Variants in TECPR2 observed in about 807,000 individuals in gnomAD.
TECPR2 encodes the protein tectonin beta-propeller repeat-containing protein 2.
A neutral mutation model predicts 138.1 loss-of-function variants in TECPR2; 65 were observed. That is an observed-to-expected ratio of 0.47 (90% CI 0.39 to 0.58). The LOEUF (loss-of-function observed/expected upper bound fraction) is 0.58, where lower values mean the gene tolerates loss of function less well. Ranked by LOEUF, TECPR2 falls within the 20% of genes least tolerant of loss-of-function variation. TECPR2 has a pLI of 0.00. For missense variants in TECPR2, 1,553 were observed against 1,824.5 expected (o/e 0.85, Z 2.71); for synonymous variants, 746 against 749.8 (o/e 0.99, Z 0.08).
At chr14:102,380,078 A>G (rs1396133562) in intron 2 of TECPR2, among the ~76,000 whole-genome samples, 2 of 148,660 alleles carry the variant, frequency 1.3e-5, no homozygotes, top group African/African-American at 5.0e-5. Flanking sequence ...AAATCCATGC[A>G]CAGAGGCACC....
At chr14:102,457,432 A>T (rs1890301722) in intron 16 of TECPR2, among the ~76,000 whole-genome samples, 1 of 152,122 alleles carries the variant, frequency 6.6e-6, no homozygotes, top group Admixed American at 6.5e-5. Context: ...TTTTGAATGC[A>T]GGTGTGCTGT....
At position 102,428,232 on chromosome 14, in the gene TECPR2, T is replaced by TG. The variant is rs1889380820; in HGVS notation, c.952-18_952-17insG. On this transcript the variant is annotated splice_polypyrimidine_tract_variant and intron_variant, in intron 6 of 19. Transcript: ENST00000359520. ...AGTTTTGTGTTTTTTGTTTTTTTTT[T>TG]TTTTTTTTTTTTGACAGGCCACAGT... The TG allele has an allele frequency of 1.5e-6, 2 of 1,362,990 alleles. No homozygotes were observed. Among genetic ancestry groups the TG allele is most frequent in the Non-Finnish European group, 9.5e-7 (1 of 1,055,182 alleles). The allele number at this position is 1,362,990 out of a possible 1,614,324, so 84.4% of individuals were successfully genotyped here.
Position 102,445,582 on chromosome 14 carries a change from T to C in TECPR2, c.2934-224T>C, listed in dbSNP as rs1889952607. Among the ~76,000 whole-genome samples the C allele has an allele frequency of 2.0e-5, 3 of 152,102 alleles. No individual in the cohort carries two copies. In the South Asian group the frequency reaches 6.2e-4, roughly 32 times the overall value. ...TAAGAGTGTTCCCAGCCATTCTGGG[T>C]CATCAGTGTGTCTTTCAAAAGCTGC... On this transcript the variant is annotated intron_variant, in intron 12 of 19. Transcript: ENST00000359520.
chr14:102,499,308 C>T lies in TECPR2; in HGVS notation c.*1051C>T. 1.6e-6 allele frequency: 1 copy of T among 615,072 alleles called. No individual in the cohort carries two copies. Among genetic ancestry groups the T allele is most frequent in the Non-Finnish European group, 2.9e-6 (1 of 339,460 alleles). 38.1% of individuals were successfully genotyped at this position (615,072 alleles called of 1,614,324 possible). The stretch of plus-strand genomic sequence containing the variant: ...GATGCATCCTCAGAGGACGAGTCTA[C>T]TAATTATTGCCTTTGTTGTTGTATT... On this transcript the variant is annotated 3_prime_UTR_variant, in exon 20 of 20. Coordinates refer to ENST00000359520, the MANE Select transcript of TECPR2 (RefSeq NM_014844.5).
chr14:102,472,586 G>T (rs1353360271), intron 17 of TECPR2, among the ~76,000 whole-genome samples: 1 of 152,192 alleles, frequency 6.6e-6, no homozygotes, highest in African/African-American at 2.4e-5. Flanking sequence ...CATTCAGTTT[G>T]CCATGGATTC....
At chr14:102,405,523 CAA>C (rs1377972363) in intron 2 of TECPR2, among the ~76,000 whole-genome samples, 1 of 152,018 alleles carries the variant, frequency 6.6e-6, no homozygotes, top group Non-Finnish European at 1.5e-5. Flanking sequence ...AAGGAAATAA[CAA>C]GGGTTGGTAA....
Position 102,498,279 on chromosome 14 carries a change from C to G in TECPR2, c.*22C>G. On this transcript the variant is annotated 3_prime_UTR_variant, in exon 20 of 20. Transcript: ENST00000359520. ...CTGAAGGAGCCCTGGCCGAGTCACG[C>G]GGAGGGGCCCGGCGTCTGTGGCGGG... 2 of 1,590,248 alleles carry G rather than the reference C, an allele frequency of 1.3e-6. No individual in the cohort carries two copies. Among genetic ancestry groups the G allele is most frequent in the Non-Finnish European group, 1.7e-6 (2 of 1,176,154 alleles).
intron 9 of TECPR2, 67 bp from the exon 10 acceptor site, chr14:102,437,955 C>T: frequency 1.3e-6 from 2 of 1,549,838 alleles, no homozygotes. Flanking sequence ...ACCTTTCTTA[C>T]TGAGAACAGT....
intron 1 of TECPR2, among the ~76,000 whole-genome samples, chr14:102,374,318 T>G (rs1887589349): frequency 6.6e-6 from 1 of 152,178 alleles, no homozygotes. Flanking sequence ...AAGCACAGCC[T>G]TTGTTCTTCT....
At chr14:102,424,903 T>C in intron 5 of TECPR2, 76 bp from the exon 6 acceptor site, 2 of 1,392,262 alleles carry the variant, frequency 1.4e-6, no homozygotes, top group Non-Finnish European at 2.0e-6. Flanking sequence ...TACTTAATAT[T>C]AAGGGTTGAC....
intron 4 of TECPR2, among the ~76,000 whole-genome samples, chr14:102,411,250 TTTTG>T (rs1298808817): frequency 3.3e-5 from 5 of 152,240 alleles, no homozygotes; most frequent in Non-Finnish European, 7.3e-5. Context: ...TTCAACACCA[TTTTG>T]TTTTATTTTT....
At chr14:102,495,274 G>C (rs116268942) in intron 17 of TECPR2, among the ~76,000 whole-genome samples, 3,505 of 152,250 alleles carry the variant, frequency 0.023, 66 homozygotes, top group African/African-American at 0.036. Flanking sequence ...AGGAGGGAGG[G>C]GGTGGCCCTG....
intron 1 of TECPR2, among the ~76,000 whole-genome samples, chr14:102,368,791 G>A (rs1444390989): frequency 6.6e-6 from 1 of 152,112 alleles, no homozygotes; most frequent in African/African-American, 2.4e-5. Flanking sequence ...GTAGGCGAGG[G>A]ATATGATAGC....
At chr14:102,445,991 T>C (rs369548846) in intron 13 of TECPR2, 44 bp downstream of exon 13, 143 of 1,567,932 alleles carry the variant, frequency 9.1e-5, no homozygotes, top group Non-Finnish European at 1.2e-4. Context: ...CTCCCGACCT[T>C]TTCTGCTTCC....
At chr14:102,364,484 A>G (rs933396083) in intron 1 of TECPR2, among the ~76,000 whole-genome samples, 1 of 152,186 alleles carries the variant, frequency 6.6e-6, no homozygotes, top group East Asian at 1.9e-4. Flanking sequence ...GGTCTGGCCC[A>G]TGAACTTTAA....
chr14:102,424,547 C>A (rs1377299220), intron 5 of TECPR2, among the ~76,000 whole-genome samples: 2 of 152,224 alleles, frequency 1.3e-5, no homozygotes, highest in Non-Finnish European at 2.9e-5. Flanking sequence ...GTTGGCCAGG[C>A]TAGTCTCAAA....
intron 12 of TECPR2, among the ~76,000 whole-genome samples, chr14:102,445,027 C>T (rs1006906687): frequency 2.0e-5 from 3 of 152,248 alleles, no homozygotes; most frequent in African/African-American, 4.8e-5. Context: ...AGGGCTGAGA[C>T]TGGCCCTGCT....
At chr14:102,426,950 C>T (rs1457095008) in intron 6 of TECPR2, among the ~76,000 whole-genome samples, 1 of 152,212 alleles carries the variant, frequency 6.6e-6, no homozygotes, top group Admixed American at 6.5e-5. Context: ...GAATTATTAT[C>T]AGCCGTACCT....
chr14:102,499,266 C>A lies in TECPR2; in HGVS notation c.*1009C>A. On this transcript the variant is annotated 3_prime_UTR_variant, in exon 20 of 20. Coordinates refer to ENST00000359520, the MANE Select transcript of TECPR2 (RefSeq NM_014844.5). ...AATGGTGTTTAACTAATGCTGCTGG[C>A]GGACATCCTAAAACCAGATGCATCC... is the stretch of plus-strand genomic sequence containing the variant. 1 of 654,912 alleles carries A rather than the reference C, an allele frequency of 1.5e-6. No homozygotes were observed. Among genetic ancestry groups the A allele is most frequent in the Non-Finnish European group, 2.8e-6 (1 of 355,660 alleles). The allele number at this position is 654,912 out of a possible 1,614,324, so 40.6% of individuals were successfully genotyped here. A position where few individuals can be genotyped will look rare whatever the true frequency, so the allele number is the denominator to read the frequency against.
Sources: allele counts gnomAD v4.1 joint callset (sites outside exome capture counted in the v4.1 genomes callset), GRCh38; gene constraint gnomAD v4.1.1; transcripts MANE v1.5; gene names NCBI Gene and HGNC (gene_info 2026-07-23, HGNC 2026-07-21).